ZNF248: variants seen among roughly 807,000 people sequenced by gnomAD.
ZNF248 encodes the protein KRAB protein domain.
A neutral mutation model predicts 44.3 loss-of-function variants in ZNF248; 20 were observed. The ratio of observed to expected loss-of-function variants is 0.45; its 90% CI spans 0.32 to 0.66. The LOEUF (loss-of-function observed/expected upper bound fraction) is 0.66. ZNF248 is among the 30% of genes least tolerant of loss of function. The pLI, the probability that ZNF248 is intolerant of heterozygous loss-of-function variation, is 0.04. For synonymous variants in ZNF248, 224 were observed against 229.0 expected (o/e 0.98, Z 0.20); for missense variants, 654 against 677.0 (o/e 0.97, Z 0.38).
At chr10:37,841,731 T>C (rs2058385261) in intron 3 of ZNF248, among the ~76,000 whole-genome samples, 2 of 152,192 alleles carry the variant, frequency 1.3e-5, no homozygotes, top group East Asian at 1.9e-4. Context: ...TCAACAGTGA[T>C]AAATCATGCT....
downstream of ZNF248, among the ~76,000 whole-genome samples, chr10:37,773,368 A>G (rs2046345959): frequency 6.6e-6 from 1 of 152,266 alleles, no homozygotes; most frequent in Non-Finnish European, 1.5e-5. Context: ...CACAGCTATT[A>G]GAATGGCTAT....
At chr10:37,818,445 C>T (rs1444453531) in intron 6 of ZNF248, among the ~76,000 whole-genome samples, 1 of 152,160 alleles carries the variant, frequency 6.6e-6, no homozygotes, top group Admixed American at 6.5e-5. Flanking sequence ...AAAGAGAATC[C>T]ATGCTGTCAT....
chr10:37,814,757 T>C (rs2052146044), intron 6 of ZNF248, among the ~76,000 whole-genome samples: 2 of 152,232 alleles, frequency 1.3e-5, no homozygotes, highest in Non-Finnish European at 2.9e-5. Context: ...CTAATAACTT[T>C]ATTGAGAATG....
In ZNF248 at chr10:37,856,305, G is replaced by A; in HGVS notation, c.6C>T (p.Asn2=). M[N]KSQEQVSFKD... is the part of the protein sequence containing the mutation. ...GAAACAAGAATCTCACCTGGGATTT[G>A]TTCATTTTCCGCTCTTAGTGGAGGA... Residue 2 remains asparagine (N), a synonymous_variant, in exon 3 of 6, where the codon AAC becomes AAT. Coordinates refer to ENST00000395867, the MANE Select transcript of ZNF248 (RefSeq NM_021045.3). The A allele has an allele frequency of 3.7e-6, 6 of 1,613,402 alleles. No individual in the cohort carries two copies. Among genetic ancestry groups the A allele is most frequent in the Non-Finnish European group, 5.1e-6 (6 of 1,179,604 alleles).
At chr10:37,785,105 A>G (rs757281944) in intron 6 of ZNF248, among the ~76,000 whole-genome samples, 60 of 152,246 alleles carry the variant, frequency 3.9e-4, no homozygotes, top group Admixed American at 1.6e-3. Flanking sequence ...CACAGCAGGA[A>G]AGGGTTTCAT....
At chr10:37,786,481 A>C (rs1334672788) in intron 6 of ZNF248, among the ~76,000 whole-genome samples, 1 of 152,170 alleles carries the variant, frequency 6.6e-6, no homozygotes, top group Non-Finnish European at 1.5e-5. Flanking sequence ...CAACCCAGTA[A>C]AAATTAGAAA....
intron 6 of ZNF248, among the ~76,000 whole-genome samples, chr10:37,817,375 TAA>T (rs35493240): frequency 3.3e-5 from 5 of 150,624 alleles, no homozygotes; most frequent in African/African-American, 7.3e-5. Context: ...CCTTTATTTT[TAA>T]AAAAAAAATA....
At chr10:37,778,732 G>T (rs985209283) in intron 6 of ZNF248, among the ~76,000 whole-genome samples, 9 of 151,832 alleles carry the variant, frequency 5.9e-5, no homozygotes, top group Non-Finnish European at 1.3e-4. Flanking sequence ...TCCAGGAGCT[G>T]GTTTTTTGAA....
At chr10:37,777,590 T>A (rs1176023048) in intron 6 of ZNF248, among the ~76,000 whole-genome samples, 1 of 150,820 alleles carries the variant, frequency 6.6e-6, no homozygotes, top group African/African-American at 2.4e-5. Context: ...ATTGTGCAGG[T>A]TAGTTACATA....
chr10:37,771,705 C>T (rs2046240796), downstream of ZNF248, among the ~76,000 whole-genome samples: 1 of 152,010 alleles, frequency 6.6e-6, no homozygotes, highest in South Asian at 2.1e-4. Context: ...AGCACACCAA[C>T]ATGGCACATG....
the ZNF248 span, among the ~76,000 whole-genome samples, chr10:37,765,283 C>A: frequency 6.6e-6 from 1 of 152,106 alleles, no homozygotes; most frequent in Non-Finnish European, 1.5e-5. Flanking sequence ...GATATAAATT[C>A]CTTGAGCTGT....
At chr10:37,774,406 C>T (rs1286906762), downstream of ZNF248, among the ~76,000 whole-genome samples, 1 of 152,170 alleles carries the variant, frequency 6.6e-6, no homozygotes, top group Non-Finnish European at 1.5e-5. Flanking sequence ...GCGCTAAATT[C>T]ACCTTTTGTG....
At position 37,831,150 on chromosome 10, in the gene ZNF248, G is replaced by C. The variant is rs2055513002; in HGVS notation, c.*465C>G. 2.0e-6 allele frequency: 3 copies of C among 1,486,650 alleles called. No individual in the cohort carries two copies. In the South Asian group the frequency reaches 4.1e-5, roughly 20 times the overall value. 92.1% of individuals were successfully genotyped at this position (1,486,650 alleles called of 1,614,324 possible). Reference sequence around the variant, plus strand: ...ATACCATAGTAGTTACTCAATTAAGGGTACGTATCTTCTCCTTATGATCAT... The same window carrying C: ...ATACCATAGTAGTTACTCAATTAAGCGTACGTATCTTCTCCTTATGATCAT... On this transcript the variant is annotated 3_prime_UTR_variant, in exon 6 of 6. Transcript: ENST00000395867.
intron 5 of ZNF248, among the ~76,000 whole-genome samples, chr10:37,833,759 G>C (rs181472601): frequency 1.1e-4 from 16 of 152,072 alleles, no homozygotes; most frequent in African/African-American, 3.4e-4. Context: ...TAATGCTGTA[G>C]GAAAAGCATA....
chr10:37,799,923 G>A (rs1014990268), intron 6 of ZNF248, among the ~76,000 whole-genome samples: 8 of 152,026 alleles, frequency 5.3e-5, no homozygotes, highest in Non-Finnish European at 7.4e-5. Context: ...AATACTAGAA[G>A]TAGGCCAGGT....
In ZNF248 at chr10:37,857,381, G is replaced by A. The variant is rs1255874319; in HGVS notation, c.-322C>T. ...CAGCCCCTTCGCTCCTGCACTCCAC[G>A]GGCAGAGAGGCCCTTGGGGCCGGTG... On this transcript the variant is annotated 5_prime_UTR_variant, in exon 1 of 6. Coordinates refer to ENST00000395867, the MANE Select transcript of ZNF248 (RefSeq NM_021045.3). 1 of 152,298 alleles carries A rather than the reference G, an allele frequency of 6.6e-6. No individual in the cohort carries two copies. Among genetic ancestry groups the A allele is most frequent in the Admixed American group, 6.5e-5 (1 of 15,284 alleles). The allele number at this position is 152,298 out of a possible 1,614,324, so 9.4% of individuals were successfully genotyped here.
At chr10:37,818,577 AAC>A (rs779421828) in intron 6 of ZNF248, 1 of 399,382 alleles carries the variant, frequency 2.5e-6, no homozygotes, top group African/African-American at 2.0e-5. Flanking sequence ...GTGTGTGTTG[AAC>A]AGTTTGTGGC....
chr10:37,840,787 G>GA (rs1414110575), intron 3 of ZNF248, among the ~76,000 whole-genome samples: 2 of 151,562 alleles, frequency 1.3e-5, no homozygotes, highest in African/African-American at 4.8e-5. Flanking sequence ...CTCAAAAAAA[G>GA]AAAAAAGAAA....
intron 6 of ZNF248, among the ~76,000 whole-genome samples, chr10:37,822,473 A>G (rs1471644612): frequency 6.6e-6 from 1 of 152,208 alleles, no homozygotes; most frequent in African/African-American, 2.4e-5. Flanking sequence ...GTTCATTTGA[A>G]GTGCAAAGTC....
Sources: gnomAD v4.1 joint callset for allele counts (sites outside exome capture counted in the v4.1 genomes callset) on GRCh38, gnomAD v4.1.1 for gene constraint, MANE v1.5 for transcripts, NCBI Gene and HGNC (gene_info 2026-07-23, HGNC 2026-07-21) for gene names.